Variants in ITGB6 observed in about 807,000 individuals in gnomAD.
The protein encoded by ITGB6 is integrin beta-6.
A neutral mutation model predicts 84.5 loss-of-function variants in ITGB6; 80 were observed. The ratio of observed to expected loss-of-function variants is 0.95; its 90% CI spans 0.79 to 1.14. The LOEUF is 1.14. ITGB6 is among the 50% of genes most tolerant of loss of function. The pLI is 0.00. For missense variants in ITGB6, 1,006 were observed against 968.0 expected (o/e 1.04, Z -0.52); for synonymous variants, 383 against 354.9 (o/e 1.08, Z -0.89).
chr2:160,184,908 G>A (rs1395032048), intron 4 of ITGB6, among the ~76,000 whole-genome samples: 1 of 152,048 alleles, frequency 6.6e-6, no homozygotes, highest in African/African-American at 2.4e-5. Context: ...TTGCAGAAAA[G>A]GACTTCAACA....
Position 160,142,018 on chromosome 2 carries a change from G to C in ITGB6, c.1071C>G (p.Ser357=). The change falls in exon 8 of 15, where the codon TCC becomes TCG. Residue 357 remains serine, a synonymous_variant. Coordinates refer to ENST00000283249, the MANE Select transcript of ITGB6 (RefSeq NM_000888.5). The part of the protein sequence containing the change: ...GATVGLLQKD[S]GNILQLIISA... ...AGATGATCAGCTGGAGAATGTTTCC[G>C]GAGTCCTTCTGAAGTAGACCTACTG... 2.5e-6 allele frequency: 4 copies of C among 1,610,046 alleles called. No homozygotes were observed. Among genetic ancestry groups the C allele is most frequent in the Non-Finnish European group, 3.4e-6 (4 of 1,177,660 alleles).
At chr2:160,111,599 GT>G (rs35948673) in intron 13 of ITGB6, among the ~76,000 whole-genome samples, 48 of 134,494 alleles carry the variant, frequency 3.6e-4, no homozygotes, top group South Asian at 9.6e-4. Flanking sequence ...CATCTTAGCT[GT>G]TTTTTTTTTT....
rs549261716 is a variant in ITGB6 at position 160,128,652 on chromosome 2, C to T, written c.1661-2051G>A. Among the ~76,000 whole-genome samples the T allele has an allele frequency of 3.2e-4, 49 of 152,044 alleles. No homozygotes were observed. The East Asian group carries it at 8.9e-3, about 28-fold the overall frequency. The stretch of plus-strand genomic sequence containing the variant: ...GGGTGTGGGTGCGATTGGTGCCAGG[C>T]GGAGGGTTGAGGGAAGAGACAGAGG... On this transcript the variant is annotated intron_variant, in intron 10 of 14. Coordinates refer to ENST00000283249, the MANE Select transcript of ITGB6 (RefSeq NM_000888.5).
rs181378763 is a variant in ITGB6 at position 160,158,160 on chromosome 2, A to G, written c.1017+11052T>C. ...AGGCTTTCGATTGTCAGCATTCCATAGGCAGGCAGGTAGTGATGGGAGTGT... is the reference window on the plus strand; with the variant it reads ...AGGCTTTCGATTGTCAGCATTCCATGGGCAGGCAGGTAGTGATGGGAGTGT... On this transcript the variant is annotated intron_variant, in intron 7 of 14. Coordinates refer to ENST00000283249, the MANE Select transcript of ITGB6 (RefSeq NM_000888.5). 9.1e-4 allele frequency among the ~76,000 whole-genome samples: 138 copies of G among 152,308 alleles called. 2 individuals carry two copies. In the East Asian group the frequency reaches 0.015, roughly 16 times the overall value.
chr2:160,132,147 T>A (rs1041143304), intron 10 of ITGB6, among the ~76,000 whole-genome samples: 12 of 152,206 alleles, frequency 7.9e-5, no homozygotes, highest in Non-Finnish European at 1.8e-4. Flanking sequence ...CTCTCTGTGA[T>A]GTGGTGACGG....
chr2:160,169,246 A>G lies in ITGB6; in HGVS notation c.983T>C (p.Phe328Ser), dbSNP rs762957132. The G allele has an allele frequency of 1.9e-6, 3 of 1,604,726 alleles. No individual in the cohort carries two copies. The highest frequency in any genetic ancestry group is 1.7e-6 in the Non-Finnish European group (2 of 1,176,632). ...KLVQNNVLLIFAVTQEQVHLY... is the reference protein window; with the variant it reads ...KLVQNNVLLISAVTQEQVHLY... Reference sequence around the variant, plus strand: ...ATGAACTTGTTCTTGGGTTACAGCGAAGATCAATAACACGTTGTTTTGTAC... The same window carrying G: ...ATGAACTTGTTCTTGGGTTACAGCGGAGATCAATAACACGTTGTTTTGTAC... Residue 328 changes from phenylalanine to serine, a missense_variant, in exon 7 of 15, where the codon TTC becomes TCC. Transcript: ENST00000283249.
At chr2:160,167,815 A>G (rs1685057913) in intron 7 of ITGB6, among the ~76,000 whole-genome samples, 1 of 152,182 alleles carries the variant, frequency 6.6e-6, no homozygotes, top group African/African-American at 2.4e-5. Flanking sequence ...GTTCACGATC[A>G]TCAATCGCAT....
chr2:160,167,559 G>T (rs1232240766), intron 7 of ITGB6, among the ~76,000 whole-genome samples: 2 of 152,152 alleles, frequency 1.3e-5, no homozygotes, highest in Non-Finnish European at 2.9e-5. Context: ...AAGATTAGAA[G>T]ACAGGCAAAA....
chr2:160,150,447 C>T (rs1402548037), intron 7 of ITGB6, among the ~76,000 whole-genome samples: 1 of 152,090 alleles, frequency 6.6e-6, no homozygotes, highest in African/African-American at 2.4e-5. Flanking sequence ...TACAAGAGCT[C>T]CTGAAGGAAG....
intron 12 of ITGB6, among the ~76,000 whole-genome samples, chr2:160,114,040 C>T (rs1021169080): frequency 1.3e-5 from 2 of 152,162 alleles, no homozygotes; most frequent in African/African-American, 4.8e-5. Context: ...GCTTATCATA[C>T]TCCTTTCAGT....
chr2:160,126,722 G>GA, intron 10 of ITGB6, 121 bp from the exon 11 acceptor site: 1 of 898,730 alleles, frequency 1.1e-6, no homozygotes, highest in Middle Eastern at 3.5e-4. Flanking sequence ...AAAAAAATGA[G>GA]AAAAAAAGTA....
intron 7 of ITGB6, among the ~76,000 whole-genome samples, chr2:160,147,170 A>C (rs1373488982): frequency 6.6e-6 from 1 of 152,020 alleles, no homozygotes; most frequent in East Asian, 1.9e-4. Context: ...GAAAGAAATG[A>C]AAGAAAGAAA....
At chr2:160,197,567 T>A (rs369033388) in intron 2 of ITGB6, among the ~76,000 whole-genome samples, 7 of 152,358 alleles carry the variant, frequency 4.6e-5, no homozygotes, top group East Asian at 3.9e-4. Context: ...ACTATTTTCC[T>A]TGCCTCTTAG....
At chr2:160,136,922 G>A (rs971336539) in intron 10 of ITGB6, among the ~76,000 whole-genome samples, 1 of 151,662 alleles carries the variant, frequency 6.6e-6, no homozygotes, top group Admixed American at 6.6e-5. Flanking sequence ...GAAGGGGGAG[G>A]GATAGCATTA....
chr2:160,145,891 T>C lies in ITGB6; in HGVS notation c.1018-3820A>G, dbSNP rs546387009. 6.2e-4 allele frequency among the ~76,000 whole-genome samples: 95 copies of C among 152,302 alleles called. 1 individual carries two copies. Among genetic ancestry groups the C allele is most frequent in the Middle Eastern group, 6.8e-3 (2 of 294 alleles). ...CCCCCATTCCTGCTCCGACTGTATC[T>C]CCTGTGTGCTTAGCTCTTCAGAACC... On this transcript the variant is annotated intron_variant, in intron 7 of 14. Transcript: ENST00000283249.
chr2:160,178,786 C>A (rs1435122867), intron 4 of ITGB6: 1 of 151,352 alleles, frequency 6.6e-6, no homozygotes, highest in African/African-American at 2.4e-5. Flanking sequence ...CAACCTCCGC[C>A]ACCGGGGTCA....
At chr2:160,189,774 A>G (rs1243573813) in intron 4 of ITGB6, among the ~76,000 whole-genome samples, 1 of 152,114 alleles carries the variant, frequency 6.6e-6, no homozygotes, top group Non-Finnish European at 1.5e-5. Context: ...AACTAGTTCA[A>G]CCATTGTGGA....
At chr2:160,114,060 C>G (rs1215996899) in intron 12 of ITGB6, among the ~76,000 whole-genome samples, 1 of 151,618 alleles carries the variant, frequency 6.6e-6, no homozygotes, top group South Asian at 2.1e-4. Context: ...TAATATTAAC[C>G]ATGTTTTTAA....
In ITGB6 at chr2:160,101,769, T is replaced by G; in HGVS notation, c.2334A>C (p.Glu778Asp). Residue 778 changes from glutamate (E) to aspartate (D), a missense_variant, in exon 15 of 15, where the codon GAA (glutamate) becomes GAC (aspartate). Transcript: ENST00000283249. ...CTGTGGAAAGGTCTACCTTTTGTTT[T>G]TCCCTGTGTTTATAAGTTACATTTT... Reference protein sequence around the residue: ...TFKNVTYKHREKQKVDLSTDC With the variant: ...TFKNVTYKHRDKQKVDLSTDC 1 of 1,601,372 alleles carries G rather than the reference T, an allele frequency of 6.2e-7. No homozygotes were observed. Among genetic ancestry groups the G allele is most frequent in the Non-Finnish European group, 8.6e-7 (1 of 1,168,600 alleles).
Sources: allele counts gnomAD v4.1 joint callset (sites outside exome capture counted in the v4.1 genomes callset), GRCh38; gene constraint gnomAD v4.1.1; transcripts MANE v1.5; gene names NCBI Gene and HGNC (gene_info 2026-07-23, HGNC 2026-07-21).